The following UNC13C variants were observed in gnomAD, a reference collection of about 807,000 sequenced individuals.
The protein encoded by UNC13C is protein unc-13 homolog C.
UNC13C carries 174 observed loss-of-function variants against 245.4 expected under a neutral mutation model. The observed-to-expected ratio is 0.71, with a 90% CI of 0.63 to 0.80. The LOEUF is 0.80. Among genes scored for constraint, UNC13C ranks in the 30% least tolerant of loss-of-function variants. The pLI is 0.00. For missense variants in UNC13C, 2,829 were observed against 2,602.9 expected (o/e 1.09, Z -1.89); for synonymous variants, 992 against 895.1 (o/e 1.11, Z -1.93).
At chr15:54,462,634 A>G (rs1284698072) in intron 19 of UNC13C, among the ~76,000 whole-genome samples, 1 of 152,188 alleles carries the variant, frequency 6.6e-6, no homozygotes, top group Non-Finnish European at 1.5e-5. Context: ...GTCCCCCAGC[A>G]CTGCCGGCCT....
At chr15:54,506,032 C>CA (rs1312926369) in intron 22 of UNC13C, among the ~76,000 whole-genome samples, 2 of 151,930 alleles carry the variant, frequency 1.3e-5, no homozygotes, top group African/African-American at 4.8e-5. Flanking sequence ...ATAACAAAGG[C>CA]AAAAAACAAA....
chr15:53,933,358 T>C, the UNC13C span, among the ~76,000 whole-genome samples: 2 of 152,156 alleles, frequency 1.3e-5, no homozygotes, highest in African/African-American at 4.8e-5. Flanking sequence ...TGCATATATA[T>C]ATACATATAT....
intron 2 of UNC13C, among the ~76,000 whole-genome samples, chr15:54,039,789 A>C (rs118036322): frequency 0.013 from 2,024 of 151,894 alleles, 19 homozygotes; most frequent in Non-Finnish European, 0.022. Flanking sequence ...GGGTGTCTAG[A>C]ATCTGATGAC....
rs192062723 is a variant in UNC13C at position 54,359,824 on chromosome 15, A to T, written c.4713+21335A>T. Among the ~76,000 whole-genome samples, 368 of 151,866 alleles carry T rather than the reference A, an allele frequency of 2.4e-3. 4 individuals carry two copies. Among genetic ancestry groups the T allele is most frequent in the African/African-American group, 8.4e-3 (350 of 41,508 alleles). ...TCTTGGTTTTGTTTTTCATATTTTT[A>T]AAATCTCTATTTTATTTATTTTTGT... On this transcript the variant is annotated intron_variant, in intron 17 of 32. Coordinates refer to ENST00000260323, the MANE Select transcript of UNC13C (RefSeq NM_001080534.3).
chr15:54,403,127 A>AT (rs2040220858), intron 18 of UNC13C, among the ~76,000 whole-genome samples: 1 of 152,250 alleles, frequency 6.6e-6, no homozygotes, highest in Non-Finnish European at 1.5e-5. Context: ...ATCTAAACTC[A>AT]GTAAATTCTG....
chr15:54,475,369 C>T (rs1286052250), intron 19 of UNC13C, among the ~76,000 whole-genome samples: 3 of 151,124 alleles, frequency 2.0e-5, no homozygotes, highest in Non-Finnish European at 2.9e-5. Context: ...AGGTTAGTTA[C>T]ATATGTACAC....
intron 19 of UNC13C, among the ~76,000 whole-genome samples, chr15:54,487,300 A>T (rs1893465356): frequency 6.6e-6 from 1 of 152,190 alleles, no homozygotes; most frequent in Admixed American, 6.5e-5. Flanking sequence ...CATGAGTTTC[A>T]GTGGTCATAA....
chr15:54,373,255 T>C (rs1055115056), intron 17 of UNC13C, among the ~76,000 whole-genome samples: 14 of 152,208 alleles, frequency 9.2e-5, no homozygotes, highest in Admixed American at 7.2e-4. Context: ...TATTACAGGA[T>C]ACTGGGAGTG....
chr15:54,047,718 A>G (rs552107900), intron 2 of UNC13C, among the ~76,000 whole-genome samples: 3 of 152,148 alleles, frequency 2.0e-5, no homozygotes, highest in Non-Finnish European at 4.4e-5. Context: ...GCTTATAAGT[A>G]TCTGCTTTTT....
intron 19 of UNC13C, among the ~76,000 whole-genome samples, chr15:54,454,801 TATTCATTC>T (rs57819978): frequency 0.24 from 32,946 of 139,342 alleles, 3,780 homozygotes; most frequent in South Asian, 0.27. Flanking sequence ...AAATTTTATT[TATTCATTC>T]ATTCATTCAT....
intron 29 of UNC13C, among the ~76,000 whole-genome samples, chr15:54,567,224 G>A (rs1897553982): frequency 6.7e-6 from 1 of 149,610 alleles, no homozygotes; most frequent in Non-Finnish European, 1.5e-5. Flanking sequence ...GCAAAAAAAA[G>A]TATTATTATA....
intron 19 of UNC13C, among the ~76,000 whole-genome samples, chr15:54,430,785 G>T (rs570265428): frequency 6.6e-6 from 1 of 151,780 alleles, no homozygotes. Context: ...TGAGCTTTCT[G>T]GGAAATGGAG....
the UNC13C span, among the ~76,000 whole-genome samples, chr15:53,924,312 C>T: frequency 1.4e-4 from 22 of 152,312 alleles, no homozygotes; most frequent in Admixed American, 1.2e-3. Flanking sequence ...CATTTACCAG[C>T]TGTGTGACCT....
chr15:53,959,720 C>A, the UNC13C span, among the ~76,000 whole-genome samples: 33,189 of 152,014 alleles, frequency 0.22, 4,565 homozygotes, highest in Non-Finnish European at 0.3. Flanking sequence ...CAACAGAAAA[C>A]AGATCCAAGC....
Position 54,332,038 on chromosome 15 carries a change from T to C in UNC13C, c.4426-5T>C. ...ATTCTCCTATTTTGTGTTTGCTTTGTACAGAGGGAAAAATTCATAAAACTA... is the reference window on the plus strand; with the variant it reads ...ATTCTCCTATTTTGTGTTTGCTTTGCACAGAGGGAAAAATTCATAAAACTA... On this transcript the variant is annotated splice_polypyrimidine_tract_variant and splice_region_variant and intron_variant, in intron 14 of 32. Transcript: ENST00000260323. 1 of 1,572,764 alleles carries C rather than the reference T, an allele frequency of 6.4e-7. No individual in the cohort carries two copies. Among genetic ancestry groups the C allele is most frequent in the East Asian group, 2.3e-5 (1 of 43,648 alleles).
rs112551949 is a variant in UNC13C at position 54,415,983 on chromosome 15, G to A, written c.4933+916G>A. Among the ~76,000 whole-genome samples, 349 of 152,290 alleles carry A rather than the reference G, an allele frequency of 2.3e-3. 2 individuals are homozygous for A. The highest frequency in any genetic ancestry group is 7.4e-3 in the African/African-American group (309 of 41,568). On this transcript the variant is annotated intron_variant, in intron 19 of 32. Coordinates refer to ENST00000260323, the MANE Select transcript of UNC13C (RefSeq NM_001080534.3). ...TAGGTAGGAGTAAGAAGAGCTTTTG[G>A]TAGGACAGAGCACTAGCAATTAGAG...
At chr15:54,012,332 G>A (rs909392720) in intron 1 of UNC13C, among the ~76,000 whole-genome samples, 25 of 152,068 alleles carry the variant, frequency 1.6e-4, no homozygotes, top group African/African-American at 5.3e-4. Context: ...ATGACTTTAT[G>A]AAGTCAATAT....
intron 7 of UNC13C, among the ~76,000 whole-genome samples, chr15:54,244,765 C>A (rs1380843514): frequency 6.6e-6 from 1 of 152,112 alleles, no homozygotes; most frequent in Non-Finnish European, 1.5e-5. Flanking sequence ...CAATTTGGCT[C>A]TCTGCCTACC....
Position 54,522,683 on chromosome 15 carries a change from C to T in UNC13C, c.5458-2866C>T, listed in dbSNP as rs569668513. Among the ~76,000 whole-genome samples the T allele has an allele frequency of 4.6e-5, 7 of 152,262 alleles. No homozygotes were observed. The South Asian group carries it at 1.4e-3, about 32-fold the overall frequency. On this transcript the variant is annotated intron_variant, in intron 24 of 32. Transcript: ENST00000260323. ...CAGCCTAGATTTTGAAATTCCCAAG[C>T]CCTTCGTAGAGTGGGGAATTAAATC...
Sources: gnomAD v4.1 joint callset for allele counts (sites outside exome capture counted in the v4.1 genomes callset) on GRCh38, gnomAD v4.1.1 for gene constraint, MANE v1.5 for transcripts, NCBI Gene and HGNC (gene_info 2026-07-23, HGNC 2026-07-21) for gene names.